The following AGO3 variants were observed in gnomAD, a reference collection of about 807,000 sequenced individuals.
The protein encoded by AGO3 is argonaute RISC catalytic component 3.
Under a neutral mutation model 105.5 loss-of-function variants are expected in AGO3, and 16 were observed. The observed-to-expected ratio is 0.15, with a 90% confidence interval of 0.10 to 0.23. AGO3 has a LOEUF of 0.23. Among genes scored for constraint, AGO3 ranks in the 10% least tolerant of loss-of-function variants. The pLI, the probability that AGO3 is intolerant of heterozygous loss-of-function variation, is 1.00. For missense variants in AGO3, 534 were observed against 1,088.0 expected, an observed-to-expected ratio of 0.49 and a Z score of 7.16; for synonymous variants, 340 against 367.3, an observed-to-expected ratio of 0.93 and a Z score of 0.85.
At chr1:35,962,408 T>C (rs1458403202) in intron 2 of AGO3, among the ~76,000 whole-genome samples, 4 of 151,864 alleles carry the variant, frequency 2.6e-5, no homozygotes, top group African/African-American at 9.7e-5. Context: ...CCAGGCATGG[T>C]GGCGGGTGCC....
chr1:35,931,071 C>T (rs575822040), upstream of AGO3: 11 of 388,988 alleles, frequency 2.8e-5, no homozygotes, highest in Non-Finnish European at 5.0e-5. Flanking sequence ...GGCAGCGGAA[C>T]TGACGCCGGC....
At position 36,055,285 on chromosome 1, in the gene AGO3, T is replaced by C. The variant is rs1467570099; in HGVS notation, c.2474+140T>C. 9.6e-6 allele frequency: 8 copies of C among 832,638 alleles called. 1 individual carries two copies. In the African/African-American group the frequency reaches 1.2e-4, roughly 12 times the overall value. 51.6% of individuals were successfully genotyped at this position (832,638 alleles called of 1,614,324 possible). ...AGAACTGACTGCCCAAGGTTTCCTATTGAAATATATTGTCTAGGCTCATTA... is the reference window on the plus strand; with the variant it reads ...AGAACTGACTGCCCAAGGTTTCCTACTGAAATATATTGTCTAGGCTCATTA... On this transcript the variant is annotated intron_variant, in intron 18 of 18. Transcript: ENST00000373191. This position sits in a 1 kb window ranked among gnomAD's most constrained non-coding sequence, Gnocchi z 4.4.
chr1:35,982,760 C>T, intron 5 of AGO3: 1 of 628,942 alleles, frequency 1.6e-6, no homozygotes, highest in Non-Finnish European at 2.9e-6. Context: ...AAGGATTAAG[C>T]TGAAAAAATA....
chr1:35,955,186 T>C (rs1380441158), intron 2 of AGO3, among the ~76,000 whole-genome samples: 19 of 152,180 alleles, frequency 1.2e-4, no homozygotes, highest in Admixed American at 1.2e-3. Flanking sequence ...AATATCGGTA[T>C]TTAGGACCAT....
In AGO3 at chr1:36,027,069, T is replaced by G; in HGVS notation, c.1407-45T>G. ...CTTCCCATTACTACTTTGTAGGAAT[T>G]CATGACTAGACAAAGGTTTTATATT... On this transcript the variant is annotated intron_variant, in intron 11 of 18. Coordinates refer to ENST00000373191, the MANE Select transcript of AGO3 (RefSeq NM_024852.4). The surrounding 1 kb of genome is among the most constrained non-coding windows in gnomAD (Gnocchi z 4.0). The G allele has an allele frequency of 6.4e-7, 1 of 1,556,310 alleles. No homozygotes were observed. The highest frequency in any genetic ancestry group is 8.7e-7 in the Non-Finnish European group (1 of 1,149,336).
At chr1:36,023,448 A>T (rs1641341728) in intron 11 of AGO3, among the ~76,000 whole-genome samples, 1 of 152,268 alleles carries the variant, frequency 6.6e-6, no homozygotes, top group Non-Finnish European at 1.5e-5. Flanking sequence ...GGCAGCCCTT[A>T]GAACCAGAAT....
At position 36,068,734 on chromosome 1, in the gene AGO3, GTATT is replaced by G. The variant is rs1179291912; in HGVS notation, c.*12994_*12997del. On this transcript the variant is annotated 3_prime_UTR_variant, in exon 19 of 19. Coordinates refer to ENST00000373191, the MANE Select transcript of AGO3 (RefSeq NM_024852.4). Reference sequence around the variant, plus strand: ...AACCTGTTCATTTCTCTTAATTTATGTATTTATTCTGACTTTATTATACAGCTTA... The same window carrying G: ...AACCTGTTCATTTCTCTTAATTTATGTATTCTGACTTTATTATACAGCTTA... 6.6e-6 allele frequency: 1 copy of G among 152,250 alleles called. No individual in the cohort carries two copies. Among genetic ancestry groups the G allele is most frequent in the South Asian group, 2.1e-4 (1 of 4,822 alleles). 9.4% of individuals were successfully genotyped at this position (152,250 alleles called of 1,614,324 possible). A position where few individuals can be genotyped will look rare whatever the true frequency, so the allele number is the denominator to read the frequency against.
At chr1:36,001,390 C>CT (rs1640076887) in intron 5 of AGO3, among the ~76,000 whole-genome samples, 1 of 152,186 alleles carries the variant, frequency 6.6e-6, no homozygotes, top group Non-Finnish European at 1.5e-5. Context: ...ACCCATAACT[C>CT]TCCCTCAGAG....
At chr1:35,935,996 C>T (rs1646139862) in intron 1 of AGO3, among the ~76,000 whole-genome samples, 1 of 152,118 alleles carries the variant, frequency 6.6e-6, no homozygotes, top group Admixed American at 6.5e-5. Context: ...CCTTTCCAGA[C>T]CTGTTTAGTC....
At position 35,973,298 on chromosome 1, in the gene AGO3, C is replaced by G. The variant is rs1646900617; in HGVS notation, c.522-77C>G. ...TAAGCATCATTATGTTAATTGTGCT[C>G]TAGTCTCCCCTTTTCTGCAGATTTA... On this transcript the variant is annotated intron_variant, in intron 4 of 18. Coordinates refer to ENST00000373191, the MANE Select transcript of AGO3 (RefSeq NM_024852.4). 8 of 1,293,250 alleles carry G rather than the reference C, an allele frequency of 6.2e-6. No individual in the cohort carries two copies. The South Asian group carries it at 1.6e-4, about 26-fold the overall frequency. The allele number at this position is 1,293,250 out of a possible 1,614,324, so 80.1% of individuals were successfully genotyped here.
intron 17 of AGO3, among the ~76,000 whole-genome samples, chr1:36,049,065 T>C (rs1341431235): frequency 1.3e-5 from 2 of 152,320 alleles, no homozygotes; most frequent in South Asian, 2.1e-4. Context: ...TAGATGGAGC[T>C]GAAGGTCATA....
Position 36,055,922 on chromosome 1 carries a change from AAC to A in AGO3, c.*181_*182del, listed in dbSNP as rs1440171909. On this transcript the variant is annotated 3_prime_UTR_variant, in exon 19 of 19. Coordinates refer to ENST00000373191, the MANE Select transcript of AGO3 (RefSeq NM_024852.4). The surrounding 1 kb of genome is among the most constrained non-coding windows in gnomAD (Gnocchi z 4.4). ...AGGAAGATTGTTTACTTCATCAAGGAACACAGCATCATTATGCAATATGAAAC... is the reference window on the plus strand; with the variant it reads ...AGGAAGATTGTTTACTTCATCAAGGAACAGCATCATTATGCAATATGAAAC... 1 of 575,032 alleles carries A rather than the reference AAC, an allele frequency of 1.7e-6. No homozygotes were observed. Among genetic ancestry groups the A allele is most frequent in the Admixed American group, 3.2e-5 (1 of 30,830 alleles). 35.6% of individuals were successfully genotyped at this position (575,032 alleles called of 1,614,324 possible). A position where few individuals can be genotyped will look rare whatever the true frequency, so the allele number is the denominator to read the frequency against.
chr1:35,940,812 GTCC>G (rs931567176), intron 1 of AGO3, among the ~76,000 whole-genome samples: 6 of 152,024 alleles, frequency 3.9e-5, no homozygotes, highest in Non-Finnish European at 7.4e-5. Context: ...CTCTCTCCAG[GTCC>G]TCCTCCAACC....
intron 17 of AGO3, among the ~76,000 whole-genome samples, chr1:36,053,922 T>C (rs1177511061): frequency 6.6e-6 from 1 of 151,936 alleles, no homozygotes; most frequent in African/African-American, 2.4e-5. Context: ...CTAATTTTTG[T>C]ATTTTTAGTA....
intron 5 of AGO3, among the ~76,000 whole-genome samples, chr1:35,992,850 C>CT (rs1647812422): frequency 6.6e-6 from 1 of 152,178 alleles, no homozygotes; most frequent in Non-Finnish European, 1.5e-5. Flanking sequence ...GTTCATGAGG[C>CT]TGCATTCATC....
In AGO3 at chr1:36,068,024, C is replaced by T. The variant is rs1305924969; in HGVS notation, c.*12279C>T. On this transcript the variant is annotated 3_prime_UTR_variant, in exon 19 of 19. Coordinates refer to ENST00000373191, the MANE Select transcript of AGO3 (RefSeq NM_024852.4). The stretch of plus-strand genomic sequence containing the variant: ...CTTTGACATTCCATTATCTTACTTA[C>T]TAGAGTGCCACCATTCTTATTTGTA... 1 of 152,168 alleles carries T rather than the reference C, an allele frequency of 6.6e-6. No homozygotes were observed. Among genetic ancestry groups the T allele is most frequent in the Non-Finnish European group, 1.5e-5 (1 of 68,030 alleles). 9.4% of individuals were successfully genotyped at this position (152,168 alleles called of 1,614,324 possible).
chr1:35,950,025 A>G (rs1646440552), intron 2 of AGO3, among the ~76,000 whole-genome samples: 1 of 152,180 alleles, frequency 6.6e-6, no homozygotes, highest in South Asian at 2.1e-4. Context: ...GATCGAGACC[A>G]TCCTGGCCAA....
intron 1 of AGO3, among the ~76,000 whole-genome samples, chr1:35,939,532 T>C (rs976061173): frequency 2.0e-5 from 3 of 152,214 alleles, no homozygotes; most frequent in Admixed American, 2.0e-4. Flanking sequence ...TCTGTGTGTA[T>C]GTCAGGGCAG....
rs1478248050 is a variant in AGO3 at position 36,056,561 on chromosome 1, T to G, written c.*816T>G. ...ATATTGCTGTCTTAAGAAACAAAAT[T>G]TTATATATATATGTATACATACATA... On this transcript the variant is annotated 3_prime_UTR_variant, in exon 19 of 19. Coordinates refer to ENST00000373191, the MANE Select transcript of AGO3 (RefSeq NM_024852.4). The G allele has an allele frequency of 6.6e-6, 1 of 151,758 alleles. No homozygotes were observed. The highest frequency in any genetic ancestry group is 2.4e-5 in the African/African-American group (1 of 41,122). 9.4% of individuals were successfully genotyped at this position (151,758 alleles called of 1,614,324 possible).
Sources: gnomAD v4.1 joint callset for allele counts (sites outside exome capture counted in the v4.1 genomes callset) on GRCh38, gnomAD v4.1.1 for gene constraint, Gnocchi (gnomAD v3.1) non-coding constraint, MANE v1.5 for transcripts, NCBI Gene and HGNC (gene_info 2026-07-23, HGNC 2026-07-21) for gene names.